Variants in NXN observed in about 807,000 individuals in gnomAD.
NXN encodes nucleoredoxin 1.
In NXN, 16 loss-of-function variants were observed where a neutral mutation model predicts 48.6. The ratio of observed to expected loss-of-function variants is 0.33; its 90% CI spans 0.22 to 0.50. The LOEUF (loss-of-function observed/expected upper bound fraction) is 0.50, where lower values mean the gene tolerates loss of function less well. Among genes scored for constraint, NXN ranks in the 20% least tolerant of loss-of-function variants. The pLI is 0.98. For missense variants in NXN, 492 were observed against 605.5 expected (o/e 0.81, Z 1.97); for synonymous variants, 281 against 269.6 (o/e 1.04, Z -0.41).
intron 1 of NXN, among the ~76,000 whole-genome samples, chr17:954,249 T>C (rs1824831054): frequency 6.6e-6 from 1 of 151,604 alleles, no homozygotes; most frequent in Non-Finnish European, 1.5e-5. Context: ...GGTGTGGTGG[T>C]GCACGTCTGT....
In NXN at chr17:919,186, A is replaced by T. The variant is rs2068720148; in HGVS notation, c.360+60133T>A. Among the ~76,000 whole-genome samples the T allele has an allele frequency of 6.6e-6, 1 of 152,102 alleles. No homozygotes were observed. The highest frequency in any genetic ancestry group is 1.5e-5 in the Non-Finnish European group (1 of 68,028). ...GAGACCATCCTGGCTAACATGGTGA[A>T]AGCCCGTCTCTACTACAAATACAAA... On this transcript the variant is annotated intron_variant, in intron 1 of 7. Coordinates refer to ENST00000336868, the MANE Select transcript of NXN (RefSeq NM_022463.5). This position sits in a 1 kb window ranked among gnomAD's most constrained non-coding sequence, Gnocchi z 5.1.
intron 3 of NXN, among the ~76,000 whole-genome samples, chr17:823,115 G>GAAAA (rs1451772455): frequency 6.9e-5 from 10 of 145,636 alleles, no homozygotes; most frequent in African/African-American, 1.5e-4. Context: ...AAAAAAAAAG[G>GAAAA]GGGCCAGGCA....
At chr17:816,441 G>A (rs1448314317) in intron 5 of NXN, among the ~76,000 whole-genome samples, 1 of 152,012 alleles carries the variant, frequency 6.6e-6, no homozygotes, top group Non-Finnish European at 1.5e-5. Flanking sequence ...TGTCGGCCGG[G>A]CCTCTGCACG....
intron 1 of NXN, among the ~76,000 whole-genome samples, chr17:863,325 G>A (rs1383770580): frequency 1.3e-5 from 2 of 152,028 alleles, no homozygotes; most frequent in Non-Finnish European, 2.9e-5. Flanking sequence ...CCGCCACCAC[G>A]CCCAGCTAAT....
chr17:812,667 T>TTTGTGA (rs1912157790), intron 5 of NXN, among the ~76,000 whole-genome samples: 1 of 151,088 alleles, frequency 6.6e-6, no homozygotes, highest in Non-Finnish European at 1.5e-5. Context: ...ACTGTAGGTG[T>TTTGTGA]GTGTGAGTGT....
intron 1 of NXN, among the ~76,000 whole-genome samples, chr17:960,026 A>C (rs1307302898): frequency 6.6e-6 from 1 of 151,964 alleles, no homozygotes; most frequent in African/African-American, 2.4e-5. Context: ...CGGGGGGCAG[A>C]GGTTGCGGTC....
intron 1 of NXN, among the ~76,000 whole-genome samples, chr17:883,607 G>C (rs1394083412): frequency 2.0e-5 from 3 of 152,212 alleles, no homozygotes; most frequent in Non-Finnish European, 2.9e-5. Flanking sequence ...AAGCCAGGTC[G>C]ATGCTGGAAG....
chr17:873,081 G>A (rs776223869), intron 1 of NXN, among the ~76,000 whole-genome samples: 9 of 152,182 alleles, frequency 5.9e-5, no homozygotes, highest in Non-Finnish European at 1.0e-4. Context: ...TGGGACACCC[G>A]TCTTCCTCTG....
chr17:812,908 G>C (rs919322684), intron 5 of NXN, among the ~76,000 whole-genome samples: 2 of 134,254 alleles, frequency 1.5e-5, no homozygotes, highest in Non-Finnish European at 3.3e-5. Context: ...GTGTGCATGT[G>C]TGACTGTAGG....
At chr17:938,386 AAGGTCCCC>A (rs1167611436) in intron 1 of NXN, among the ~76,000 whole-genome samples, 5 of 152,208 alleles carry the variant, frequency 3.3e-5, no homozygotes, top group African/African-American at 1.2e-4. Flanking sequence ...AGCCAAAGAA[AAGGTCCCC>A]AGCCCGGCCG....
chr17:812,942 ATGTG>A (rs532988680), intron 5 of NXN, among the ~76,000 whole-genome samples: 1 of 145,412 alleles, frequency 6.9e-6, no homozygotes, highest in African/African-American at 2.6e-5. Flanking sequence ...GAGTGTGCAT[ATGTG>A]TGAGTGTAGG....
intron 5 of NXN, among the ~76,000 whole-genome samples, chr17:811,779 G>GC (rs1340441402): frequency 6.6e-6 from 1 of 152,082 alleles, no homozygotes; most frequent in Non-Finnish European, 1.5e-5. Flanking sequence ...CAGCCTCGAG[G>GC]CCCCGACTCC....
intron 1 of NXN, chr17:878,240 G>A (rs2068239306): frequency 6.6e-6 from 1 of 151,744 alleles, no homozygotes; most frequent in East Asian, 1.9e-4. Flanking sequence ...GGGAATCCCA[G>A]GAGCAGGGGC....
intron 1 of NXN, among the ~76,000 whole-genome samples, chr17:974,710 G>C (rs1282834302): frequency 6.6e-6 from 1 of 151,874 alleles, no homozygotes; most frequent in Admixed American, 6.6e-5. Flanking sequence ...CCATGTATTA[G>C]ACTGCCTTAT....
chr17:812,986 G>A (rs1473649194), intron 5 of NXN, among the ~76,000 whole-genome samples: 4 of 151,984 alleles, frequency 2.6e-5, no homozygotes, highest in African/African-American at 9.7e-5. Flanking sequence ...GTGTGCACAT[G>A]TGAATGTAGG....
At chr17:891,096 C>T (rs962316282) in intron 1 of NXN, among the ~76,000 whole-genome samples, 1 of 146,632 alleles carries the variant, frequency 6.8e-6, no homozygotes, top group African/African-American at 2.6e-5. Context: ...TCCGTCCGTC[C>T]ATCCGTCCAT....
intron 1 of NXN, among the ~76,000 whole-genome samples, chr17:889,735 GAA>G (rs371992657): frequency 0.029 from 2,307 of 78,716 alleles, 47 homozygotes; most frequent in African/African-American, 0.095. Flanking sequence ...AAGAAAGAAA[GAA>G]AGAAAGAAAG....
At chr17:924,070 G>GTTT (rs535263185) in intron 1 of NXN, among the ~76,000 whole-genome samples, 1 of 142,764 alleles carries the variant, frequency 7.0e-6, no homozygotes, top group African/African-American at 2.6e-5. Context: ...TTCTCAAAAA[G>GTTT]TTTTTTTTTT....
chr17:912,177 A>T (rs1416230899), intron 1 of NXN, among the ~76,000 whole-genome samples: 1 of 151,900 alleles, frequency 6.6e-6, no homozygotes, highest in Non-Finnish European at 1.5e-5. Context: ...ACATCAAGTG[A>T]TCCACCCTCC....
Sources: gnomAD v4.1 joint callset for allele counts (sites outside exome capture counted in the v4.1 genomes callset) on GRCh38, gnomAD v4.1.1 for gene constraint, Gnocchi (gnomAD v3.1) non-coding constraint, MANE v1.5 for transcripts, NCBI Gene and HGNC (gene_info 2026-07-23, HGNC 2026-07-21) for gene names.